Variants in PTAFR observed in about 807,000 individuals in gnomAD.
PTAFR encodes platelet activating factor receptor.
Under a neutral mutation model 14.7 loss-of-function variants are expected in PTAFR, and 8 were observed. The ratio of observed to expected loss-of-function variants is 0.54; its 90% CI spans 0.32 to 0.98. The LOEUF (loss-of-function observed/expected upper bound fraction) is 0.98. Among genes scored for constraint, PTAFR ranks in the 50% least tolerant of loss-of-function variants. PTAFR has a pLI of 0.04. For missense variants in PTAFR, 337 were observed against 451.2 expected (o/e 0.75, Z 2.29); for synonymous variants, 156 against 176.5 (o/e 0.88, Z 0.92).
At chr1:28,168,125 AT>A (rs139930851) in intron 1 of PTAFR, among the ~76,000 whole-genome samples, 1,593 of 126,504 alleles carry the variant, frequency 0.013, 18 homozygotes, top group African/African-American at 0.038. Context: ...CACCCGGCTA[AT>A]TTTTTTTTTT....
At chr1:28,190,371 A>G (rs1646642592) in intron 1 of PTAFR, among the ~76,000 whole-genome samples, 2 of 152,198 alleles carry the variant, frequency 1.3e-5, no homozygotes, top group South Asian at 4.1e-4. Context: ...ACCTCTGGGA[A>G]AGAGGGGGTG....
At chr1:28,191,949 C>T (rs747414921) in intron 1 of PTAFR, among the ~76,000 whole-genome samples, 6 of 151,908 alleles carry the variant, frequency 3.9e-5, no homozygotes, top group Non-Finnish European at 8.8e-5. Context: ...TGCCTGTGGT[C>T]CCAGTTACTC....
At chr1:28,179,230 G>A (rs1197560653), upstream of PTAFR, among the ~76,000 whole-genome samples, 1 of 152,058 alleles carries the variant, frequency 6.6e-6, no homozygotes, top group African/African-American at 2.4e-5. Context: ...CTCCAGGAGG[G>A]ACAGCAAGCC....
chr1:28,163,591 CG>C (rs1370561181), intron 1 of PTAFR, among the ~76,000 whole-genome samples: 1 of 152,180 alleles, frequency 6.6e-6, no homozygotes, highest in Non-Finnish European at 1.5e-5. Context: ...CAAGTGACCT[CG>C]CCTCTCTAAC....
At position 28,181,730 on chromosome 1, in the gene PTAFR, G is replaced by A. The variant is rs142772372; in HGVS notation, c.-39+11992C>T. 8.5e-3 allele frequency among the ~76,000 whole-genome samples: 1,286 copies of A among 151,364 alleles called. 18 individuals carry two copies. Among genetic ancestry groups the A allele is most frequent in the African/African-American group, 0.028 (1,162 of 41,216 alleles). On this transcript the variant is annotated intron_variant, in intron 1 of 1. Transcript: ENST00000305392. ...GCACTCCAGCCTGGGCAACAAGAGC[G>A]AAACTCCATCTCAAAAAAATAAAAA...
At chr1:28,190,146 A>G (rs774983633) in intron 1 of PTAFR, among the ~76,000 whole-genome samples, 4 of 151,666 alleles carry the variant, frequency 2.6e-5, no homozygotes, top group Admixed American at 6.6e-5. Context: ...CTAATTTTGT[A>G]TTTTTAGTAG....
At chr1:28,188,018 A>G (rs960656042) in intron 1 of PTAFR, among the ~76,000 whole-genome samples, 3 of 151,900 alleles carry the variant, frequency 2.0e-5, no homozygotes, top group African/African-American at 2.4e-5. Context: ...TCTCTACTGA[A>G]AATACAAAAA....
chr1:28,191,974 G>A (rs1021481458), intron 1 of PTAFR, among the ~76,000 whole-genome samples: 3 of 152,052 alleles, frequency 2.0e-5, no homozygotes, highest in Admixed American at 2.0e-4. Flanking sequence ...AGGGACTGAG[G>A]CGGGAGGATC....
intron 1 of PTAFR, among the ~76,000 whole-genome samples, chr1:28,153,896 GA>G (rs1479353984): frequency 6.7e-6 from 1 of 149,800 alleles, no homozygotes; most frequent in Admixed American, 6.7e-5. Context: ...TCAAAAAAAA[GA>G]AAAAAAATTA....
intron 1 of PTAFR, among the ~76,000 whole-genome samples, chr1:28,164,741 C>G (rs1421739848): frequency 6.6e-6 from 1 of 152,226 alleles, no homozygotes; most frequent in African/African-American, 2.4e-5. Context: ...CTGCTAGAAG[C>G]AAACTGCTCC....
intron 1 of PTAFR, among the ~76,000 whole-genome samples, chr1:28,171,589 A>T (rs989165884): frequency 2.6e-5 from 4 of 152,066 alleles, no homozygotes; most frequent in African/African-American, 9.7e-5. Flanking sequence ...ACCTCTGGGG[A>T]ATTCTGTGCC....
At chr1:28,173,161 G>A (rs1159931195) in intron 1 of PTAFR, among the ~76,000 whole-genome samples, 2 of 146,196 alleles carry the variant, frequency 1.4e-5, no homozygotes, top group African/African-American at 5.1e-5. Context: ...GGTGGCATGC[G>A]CCTGTAGTCC....
intron 1 of PTAFR, among the ~76,000 whole-genome samples, chr1:28,192,334 T>C (rs938423092): frequency 3.3e-5 from 5 of 151,490 alleles, no homozygotes; most frequent in African/African-American, 4.8e-5. Context: ...CCGAGGCGGG[T>C]GGATCACCTG....
intron 1 of PTAFR, among the ~76,000 whole-genome samples, chr1:28,173,782 G>C (rs1646480080): frequency 6.6e-6 from 1 of 152,100 alleles, no homozygotes; most frequent in African/African-American, 2.4e-5. Flanking sequence ...AACCAAGGGG[G>C]TGGGGAGGGG....
At chr1:28,151,175 T>C in intron 1 of PTAFR, 116 bp from the exon 2 acceptor site, 1 of 631,554 alleles carries the variant, frequency 1.6e-6, no homozygotes, top group Non-Finnish European at 2.7e-6. Flanking sequence ...CAGAAGTTCA[T>C]GTTGAATCTT....
Position 28,150,400 on chromosome 1 carries a change from C to G in PTAFR, c.622G>C (p.Val208Leu), listed in dbSNP as rs770192597. Residue 208 changes from valine (V) to leucine (L), a missense_variant, in exon 2 of 2, where the codon GTC becomes CTC. By Grantham distance (32) the Val-to-Leu change is conservative (BLOSUM62 1). Transcript: ENST00000373857. This position sits in a 1 kb window ranked among gnomAD's most constrained non-coding sequence, Gnocchi z 6.3. Reference protein sequence around the residue: ...VFLIILFCNLVIIRTLLMQPV... With the variant: ...VFLIILFCNLLIIRTLLMQPV... ...TGCATGAGCAAGGTACGGATGATGA[C>G]CAGGTTGCAGAAGAGGATGATGAGG... 18 of 1,613,764 alleles carry G rather than the reference C, an allele frequency of 1.1e-5. No homozygotes were observed. Among genetic ancestry groups the G allele is most frequent in the South Asian group, 7.7e-5 (7 of 91,042 alleles).
intron 1 of PTAFR, among the ~76,000 whole-genome samples, chr1:28,154,150 G>A (rs1310588177): frequency 6.6e-6 from 1 of 151,280 alleles, no homozygotes; most frequent in African/African-American, 2.4e-5. Flanking sequence ...CACCTTCTTT[G>A]GAGCCAGGTA....
At position 28,149,568 on chromosome 1, in the gene PTAFR, A is replaced by G; in HGVS notation, c.*425T>C. On this transcript the variant is annotated 3_prime_UTR_variant, in exon 2 of 2. Coordinates refer to ENST00000373857, the MANE Select transcript of PTAFR (RefSeq NM_000952.5). ...CAGGATGGTCTCGATCTCTTGACCC[A>G]TGATCTGCCCACCTCGGCCTCCCAA... 5.7e-6 allele frequency: 1 copy of G among 174,574 alleles called. No individual in the cohort carries two copies. Among genetic ancestry groups the G allele is most frequent in the South Asian group, 1.3e-4 (1 of 7,950 alleles). 10.8% of individuals were successfully genotyped at this position (174,574 alleles called of 1,614,324 possible).
intron 1 of PTAFR, among the ~76,000 whole-genome samples, chr1:28,169,869 G>A (rs1229542687): frequency 6.6e-6 from 1 of 152,084 alleles, no homozygotes; most frequent in East Asian, 1.9e-4. Context: ...GCATGGTGGT[G>A]CATGCCTGTA....
Sources: allele counts gnomAD v4.1 joint callset (sites outside exome capture counted in the v4.1 genomes callset), GRCh38; gene constraint gnomAD v4.1.1; non-coding constraint Gnocchi (gnomAD v3.1); transcripts MANE v1.5; gene names NCBI Gene and HGNC (gene_info 2026-07-23, HGNC 2026-07-21).